The following GRM1 variants were observed in gnomAD, a reference collection of about 807,000 sequenced individuals.
The protein encoded by GRM1 is metabotropic glutamate receptor 1.
Under a neutral mutation model 90.9 loss-of-function variants are expected in GRM1, and 33 were observed. The ratio of observed to expected loss-of-function variants is 0.36; its 90% CI spans 0.28 to 0.49. The LOEUF is 0.49. Ranked by LOEUF, GRM1 falls within the 20% of genes least tolerant of loss-of-function variation. GRM1 has a pLI of 0.99. For synonymous variants in GRM1, 700 were observed against 613.2 expected (o/e 1.14, Z -2.09); for missense variants, 1,190 against 1,534.3 (o/e 0.78, Z 3.75).
chr6:146,079,109 C>A (rs1776281118), intron 1 of GRM1, among the ~76,000 whole-genome samples: 1 of 152,198 alleles, frequency 6.6e-6, no homozygotes, highest in South Asian at 2.1e-4. Context: ...TGAGGCATCA[C>A]CCTGTCTTCC....
At chr6:146,232,566 C>T (rs1346478068) in intron 2 of GRM1, among the ~76,000 whole-genome samples, 1 of 151,894 alleles carries the variant, frequency 6.6e-6, no homozygotes, top group African/African-American at 2.4e-5. Context: ...TTTTAATGTA[C>T]AATTAAGTTA....
intron 2 of GRM1, among the ~76,000 whole-genome samples, chr6:146,162,032 T>A (rs1198708618): frequency 6.6e-6 from 1 of 152,208 alleles, no homozygotes; most frequent in Non-Finnish European, 1.5e-5. Context: ...GGTTCCCTCA[T>A]GTCAGCAGAC....
intron 1 of GRM1, among the ~76,000 whole-genome samples, chr6:146,034,913 T>C (rs1460900427): frequency 6.6e-6 from 1 of 152,014 alleles, no homozygotes; most frequent in Non-Finnish European, 1.5e-5. Flanking sequence ...TTTCGGTTAC[T>C]AAGTAGTTTT....
chr6:146,245,079 G>T (rs1429933552), intron 2 of GRM1, among the ~76,000 whole-genome samples: 5 of 152,262 alleles, frequency 3.3e-5, no homozygotes, highest in African/African-American at 1.2e-4. Flanking sequence ...TTGTTCTCAA[G>T]GTTAATTGCA....
At chr6:146,426,765 G>A (rs1294903015) in intron 7 of GRM1, 2 of 634,740 alleles carry the variant, frequency 3.2e-6, no homozygotes, top group South Asian at 1.9e-5. Context: ...ATTCATTTAC[G>A]TGCCATGGTT....
chr6:146,370,733 C>G (rs1398456636), intron 5 of GRM1, among the ~76,000 whole-genome samples: 2 of 151,912 alleles, frequency 1.3e-5, no homozygotes, highest in African/African-American at 2.4e-5. Flanking sequence ...CTGGGAAGAG[C>G]CTAATTCTTG....
chr6:146,072,362 C>T (rs1776044737), intron 1 of GRM1, among the ~76,000 whole-genome samples: 1 of 152,098 alleles, frequency 6.6e-6, no homozygotes, highest in South Asian at 2.1e-4. Context: ...TGTGATACCC[C>T]TCCCTCCTTT....
At chr6:146,335,041 T>C (rs1784721411) in intron 3 of GRM1, among the ~76,000 whole-genome samples, 1 of 152,186 alleles carries the variant, frequency 6.6e-6, no homozygotes, top group Non-Finnish European at 1.5e-5. Context: ...TTAAAGCAAA[T>C]ATGACTGTCC....
chr6:146,394,412 G>A (rs1263369181), intron 6 of GRM1, among the ~76,000 whole-genome samples: 1 of 152,026 alleles, frequency 6.6e-6, no homozygotes, highest in Admixed American at 6.6e-5. Context: ...AATATACAAA[G>A]GAGAGTATGA....
intron 2 of GRM1, among the ~76,000 whole-genome samples, chr6:146,262,261 A>G (rs1781722246): frequency 6.6e-6 from 1 of 152,032 alleles, no homozygotes; most frequent in South Asian, 2.1e-4. Context: ...AAATATTTAA[A>G]ATCTTATGTA....
At chr6:146,108,062 C>T (rs1775391979) in intron 1 of GRM1, among the ~76,000 whole-genome samples, 2 of 152,282 alleles carry the variant, frequency 1.3e-5, no homozygotes, top group East Asian at 1.9e-4. Flanking sequence ...GTGAGAATTT[C>T]TCATTAACCT....
At chr6:146,212,916 A>G (rs1171622755) in intron 2 of GRM1, among the ~76,000 whole-genome samples, 1 of 152,098 alleles carries the variant, frequency 6.6e-6, no homozygotes, top group African/African-American at 2.4e-5. Flanking sequence ...GTTTCTCATA[A>G]GGTAACGTTT....
intron 1 of GRM1, among the ~76,000 whole-genome samples, chr6:146,098,584 G>A (rs577708926): frequency 3.5e-4 from 54 of 152,144 alleles, no homozygotes; most frequent in African/African-American, 1.3e-3. Flanking sequence ...TTGGGTAAAT[G>A]TTATTTTCCT....
intron 2 of GRM1, among the ~76,000 whole-genome samples, chr6:146,303,564 A>T (rs1174313041): frequency 6.6e-6 from 1 of 152,150 alleles, no homozygotes; most frequent in Non-Finnish European, 1.5e-5. Context: ...CCATCCCTTT[A>T]AATGTAATCA....
chr6:146,323,995 C>G (rs980494054), intron 3 of GRM1, among the ~76,000 whole-genome samples: 7 of 152,140 alleles, frequency 4.6e-5, no homozygotes, highest in African/African-American at 9.7e-5. Flanking sequence ...TTTACTGTAG[C>G]CTTGTAGTAT....
intron 6 of GRM1, among the ~76,000 whole-genome samples, chr6:146,395,913 C>A (rs1192302330): frequency 6.6e-6 from 1 of 152,068 alleles, no homozygotes; most frequent in Non-Finnish European, 1.5e-5. Context: ...AATTTGTTTG[C>A]AGGATGACAG....
chr6:146,342,878 T>A (rs1241013767), intron 3 of GRM1, among the ~76,000 whole-genome samples: 1 of 152,254 alleles, frequency 6.6e-6, no homozygotes, highest in East Asian at 1.9e-4. Flanking sequence ...CTATTATTAA[T>A]GTCTTATATT....
intron 3 of GRM1, chr6:146,340,414 AATT>A (rs1436980791): frequency 1.3e-5 from 2 of 152,196 alleles, no homozygotes; most frequent in Non-Finnish European, 2.9e-5. Context: ...CTGTGTAAGA[AATT>A]AGTGCAAGGG....
intron 3 of GRM1, among the ~76,000 whole-genome samples, chr6:146,345,421 A>G (rs948740891): frequency 1.3e-5 from 2 of 152,344 alleles, no homozygotes; most frequent in Admixed American, 6.5e-5. Context: ...GTAATAAGCA[A>G]GACCTCATAT....
Sources: allele counts gnomAD v4.1 joint callset (sites outside exome capture counted in the v4.1 genomes callset), GRCh38; gene constraint gnomAD v4.1.1; transcripts MANE v1.5; gene names NCBI Gene and HGNC (gene_info 2026-07-23, HGNC 2026-07-21).